CNTN5: variants seen among roughly 807,000 people sequenced by gnomAD.
The protein encoded by CNTN5 is contactin 5.
In CNTN5, 77 loss-of-function variants were observed where a neutral mutation model predicts 129.1. The observed-to-expected ratio is 0.60, with a 90% CI of 0.50 to 0.72. The LOEUF (loss-of-function observed/expected upper bound fraction) is 0.72. Among genes scored for constraint, CNTN5 ranks in the 30% least tolerant of loss-of-function variants. The pLI is 0.00. For synonymous variants in CNTN5, 509 were observed against 465.6 expected, an observed-to-expected ratio of 1.09 and a Z score of -1.20; for missense variants, 1,478 against 1,328.8, an observed-to-expected ratio of 1.11 and a Z score of -1.75.
intron 3 of CNTN5, among the ~76,000 whole-genome samples, chr11:99,617,759 A>G (rs944023072): frequency 6.6e-6 from 1 of 152,202 alleles, no homozygotes; most frequent in African/African-American, 2.4e-5. Flanking sequence ...AAATAAATGT[A>G]TAAAATGAAA....
chr11:99,412,271 G>T (rs553799638), intron 2 of CNTN5, among the ~76,000 whole-genome samples: 2 of 152,060 alleles, frequency 1.3e-5, no homozygotes, highest in Non-Finnish European at 2.9e-5. Flanking sequence ...GAAAACAAAG[G>T]TGAATAGATA....
intron 3 of CNTN5, among the ~76,000 whole-genome samples, chr11:99,618,231 A>C (rs370433991): frequency 3.9e-5 from 6 of 152,190 alleles, no homozygotes; most frequent in Non-Finnish European, 4.4e-5. Context: ...CAGATTATAA[A>C]ACATGTATTG....
intron 3 of CNTN5, among the ~76,000 whole-genome samples, chr11:99,794,554 G>A (rs1228368): frequency 0.59 from 89,939 of 151,980 alleles, 27,130 homozygotes; most frequent in East Asian, 0.72. Flanking sequence ...TTTTGTTGTG[G>A]CTGTAATGGT....
At chr11:99,829,395 G>C (rs996908437) in intron 4 of CNTN5, among the ~76,000 whole-genome samples, 1 of 152,146 alleles carries the variant, frequency 6.6e-6, no homozygotes, top group African/African-American at 2.4e-5. Context: ...GTCATCCCCA[G>C]GCTTTATGTT....
At chr11:100,351,516 C>A (rs930749751) in intron 24 of CNTN5, among the ~76,000 whole-genome samples, 1 of 151,040 alleles carries the variant, frequency 6.6e-6, no homozygotes, top group Non-Finnish European at 1.5e-5. Context: ...GTTTCGGAAC[C>A]AGGATCAAAA....
At chr11:99,588,707 G>T (rs939356187) in intron 3 of CNTN5, among the ~76,000 whole-genome samples, 2 of 152,054 alleles carry the variant, frequency 1.3e-5, no homozygotes, top group Non-Finnish European at 2.9e-5. Flanking sequence ...TGACATCTGG[G>T]CTAACATCTG....
At chr11:99,887,747 T>C (rs1378334462) in intron 6 of CNTN5, among the ~76,000 whole-genome samples, 1 of 152,192 alleles carries the variant, frequency 6.6e-6, no homozygotes, top group African/African-American at 2.4e-5. Context: ...ATGTTTGAGA[T>C]CAGGAAGCGT....
intron 6 of CNTN5, among the ~76,000 whole-genome samples, chr11:99,867,428 T>A (rs1406646136): frequency 2.6e-5 from 4 of 152,204 alleles, no homozygotes; most frequent in African/African-American, 9.7e-5. Context: ...TCTTAAAATT[T>A]TGTTTGTCAT....
At position 99,365,282 on chromosome 11, in the gene CNTN5, G is replaced by A. The variant is rs555206483; in HGVS notation, c.-71+39798G>A. On this transcript the variant is annotated intron_variant, in intron 2 of 24. Coordinates refer to ENST00000524871, the MANE Select transcript of CNTN5 (RefSeq NM_014361.4). ...TATGGATTTGTTGAAAAAGACATAC[G>A]CATTTAGCATCATGCATAGCATATA... Among the ~76,000 whole-genome samples, 8 of 152,196 alleles carry A rather than the reference G, an allele frequency of 5.3e-5. No homozygotes were observed. In the South Asian group the frequency reaches 1.0e-3, roughly 20 times the overall value.
chr11:99,638,666 G>A (rs1052938807), intron 3 of CNTN5, among the ~76,000 whole-genome samples: 1 of 152,178 alleles, frequency 6.6e-6, no homozygotes, highest in African/African-American at 2.4e-5. Flanking sequence ...GTCCATGCAA[G>A]TCCAAAATCC....
chr11:99,680,483 G>A (rs1012418268), intron 3 of CNTN5, among the ~76,000 whole-genome samples: 1 of 152,132 alleles, frequency 6.6e-6, no homozygotes, highest in African/African-American at 2.4e-5. Flanking sequence ...CAGCACATCT[G>A]TTTATAGCAT....
chr11:99,582,082 T>C (rs952205576), intron 3 of CNTN5, among the ~76,000 whole-genome samples: 2 of 152,144 alleles, frequency 1.3e-5, no homozygotes, highest in African/African-American at 4.8e-5. Flanking sequence ...CCTTCACTTA[T>C]GAAGCTTAAT....
intron 13 of CNTN5, among the ~76,000 whole-genome samples, chr11:100,130,116 A>G (rs941982058): frequency 6.6e-6 from 1 of 152,182 alleles, no homozygotes; most frequent in African/African-American, 2.4e-5. Context: ...TACACACACC[A>G]TATTCAAATT....
rs778080661 is a variant in CNTN5, at chr11:100,193,523, G to A, written c.1744G>A (p.Glu582Lys). Residue 582 changes from glutamate to lysine, a missense_variant, in exon 15 of 25, where the codon GAA becomes AAA. By Grantham distance (56) the Glu-to-Lys change is moderately conservative (BLOSUM62 1). Coordinates refer to ENST00000524871, the MANE Select transcript of CNTN5 (RefSeq NM_014361.4). ...TRIELTPKRT[E>K]LTVGESIVLN... ...GATAGAACTTACTCCTAAAAGAACA[G>A]AATTGACAGTGGGAGAAAGCATTGT... The A allele has an allele frequency of 1.9e-6, 3 of 1,608,054 alleles. No homozygotes were observed. The South Asian group carries it at 3.3e-5, about 18-fold the overall frequency.
At position 99,795,350 on chromosome 11, in the gene CNTN5, T is replaced by C. The variant is rs190726737; in HGVS notation, c.56-24194T>C. ...TATTGTATTCCTTAGAGTTTTTGGATTGGGTTTTGACTTTCTCCTGAATCT... is the reference window on the plus strand; with the variant it reads ...TATTGTATTCCTTAGAGTTTTTGGACTGGGTTTTGACTTTCTCCTGAATCT... On this transcript the variant is annotated intron_variant, in intron 3 of 24. Transcript: ENST00000524871. Among the ~76,000 whole-genome samples, 209 of 152,290 alleles carry C rather than the reference T, an allele frequency of 1.4e-3. 1 individual carries two copies. The highest frequency in any genetic ancestry group is 4.8e-3 in the African/African-American group (198 of 41,572).
chr11:99,746,154 C>T (rs551757173), intron 3 of CNTN5, among the ~76,000 whole-genome samples: 2 of 152,290 alleles, frequency 1.3e-5, no homozygotes, highest in East Asian at 3.9e-4. Flanking sequence ...CTTGCCCAAA[C>T]CAATGGCAAG....
chr11:99,917,267 A>G lies in CNTN5; in HGVS notation c.673+1118A>G, dbSNP rs117983183. 1.8e-3 allele frequency among the ~76,000 whole-genome samples: 275 copies of G among 152,242 alleles called. 3 individuals are homozygous for G. Among genetic ancestry groups the G allele is most frequent in the South Asian group, 6.2e-3 (30 of 4,832 alleles). ...TGTACCACTCCAATTCCTGTACACC[A>G]GTCCAGTTATTCTAATCTTTCTGTG... On this transcript the variant is annotated intron_variant, in intron 7 of 24. Transcript: ENST00000524871.
rs1427411561 is a variant in CNTN5, at chr11:100,255,864, T to C, written c.2110T>C (p.Tyr704His). ...AADNHSPISS[Y>H]NLQARSPFSL... ...TGACAACCACAGCCCAATCTCCTCC[T>C]ACAACCTTCAAGCTCGCAGCCCATT... The change falls in exon 17 of 25, where the codon TAC becomes CAC. Residue 704 changes from tyrosine (Y) to histidine (H), a missense_variant. Coordinates refer to ENST00000524871, the MANE Select transcript of CNTN5 (RefSeq NM_014361.4). The C allele has an allele frequency of 6.2e-7, 1 of 1,613,870 alleles. No individual in the cohort carries two copies.
chr11:99,559,836 C>G (rs1287639983), intron 3 of CNTN5, among the ~76,000 whole-genome samples: 1 of 152,028 alleles, frequency 6.6e-6, no homozygotes, highest in Non-Finnish European at 1.5e-5. Flanking sequence ...CTATGGAATT[C>G]TATACAATGG....
Sources: allele counts gnomAD v4.1 joint callset (sites outside exome capture counted in the v4.1 genomes callset), GRCh38; gene constraint gnomAD v4.1.1; transcripts MANE v1.5; gene names NCBI Gene and HGNC (gene_info 2026-07-23, HGNC 2026-07-21).